Variants in BFAR observed in about 807,000 individuals in gnomAD.
BFAR encodes the protein RING finger protein 47.
BFAR carries 52 observed loss-of-function variants against 54.4 expected under a neutral mutation model. That is an observed-to-expected ratio of 0.96 (90% CI 0.77 to 1.21). The LOEUF (loss-of-function observed/expected upper bound fraction) is 1.21. Among genes scored for constraint, BFAR ranks in the 50% most tolerant of loss-of-function variants. The pLI is 0.00. For missense variants in BFAR, 571 were observed against 534.0 expected, an observed-to-expected ratio of 1.07 and a Z score of -0.68; for synonymous variants, 215 against 204.3, an observed-to-expected ratio of 1.05 and a Z score of -0.45.
chr16:14,634,770 G>T (rs1959381232), intron 1 of BFAR, among the ~76,000 whole-genome samples: 1 of 152,186 alleles, frequency 6.6e-6, no homozygotes, highest in Non-Finnish European at 1.5e-5. Flanking sequence ...AAATCGTGAC[G>T]CGATTTGGAA....
intron 5 of BFAR, among the ~76,000 whole-genome samples, chr16:14,660,967 C>A (rs1960272148): frequency 1.3e-5 from 2 of 152,012 alleles, no homozygotes; most frequent in Non-Finnish European, 2.9e-5. Flanking sequence ...AACTCCTGGC[C>A]TCAAGCAATC....
intron 2 of BFAR, among the ~76,000 whole-genome samples, chr16:14,646,047 T>A (rs190883366): frequency 1.1e-3 from 174 of 152,136 alleles, no homozygotes; most frequent in Non-Finnish European, 1.8e-3. Flanking sequence ...TTTTGGGTTT[T>A]TTTGTTTGTT....
chr16:14,640,084 C>G (rs371535317), intron 1 of BFAR, among the ~76,000 whole-genome samples: 1 of 149,262 alleles, frequency 6.7e-6, no homozygotes, highest in African/African-American at 2.5e-5. Context: ...CTGGGGAGGT[C>G]GAGGCTACAG....
In BFAR at chr16:14,655,149, T is replaced by C. The variant is rs780582790; in HGVS notation, c.722T>C (p.Met241Thr). ...AGCAGCCACAGGAGAGCCATCCTCA[T>C]GGAGCTAGAACGTGTCAAAGCATTA... ...ENSSHRRAIL[M>T]ELERVKALGV... The change falls in exon 5 of 8, where the codon ATG becomes ACG. Residue 241 changes from methionine (M) to threonine (T), a missense_variant. By Grantham distance (81) the Met-to-Thr change is moderately conservative. Coordinates refer to ENST00000261658, the MANE Select transcript of BFAR (RefSeq NM_016561.3). 3.1e-6 allele frequency: 5 copies of C among 1,611,226 alleles called. No homozygotes were observed. The highest frequency in any genetic ancestry group is 2.7e-5 in the African/African-American group (2 of 74,494).
chr16:14,636,490 C>A (rs775221554), intron 1 of BFAR, among the ~76,000 whole-genome samples: 1 of 152,246 alleles, frequency 6.6e-6, no homozygotes, highest in African/African-American at 2.4e-5. Flanking sequence ...CCTTACAGAG[C>A]GGTATTGTTG....
chr16:14,663,426 G>C (rs1203199530), intron 6 of BFAR, among the ~76,000 whole-genome samples: 6 of 152,018 alleles, frequency 3.9e-5, no homozygotes, highest in Admixed American at 3.9e-4. Context: ...CCATCTCCCG[G>C]GTTCATGCCA....
chr16:14,669,079 C>T lies in BFAR; in HGVS notation c.*1252C>T. 1 of 454,782 alleles carries T rather than the reference C, an allele frequency of 2.2e-6. No homozygotes were observed. The highest frequency in any genetic ancestry group is 4.4e-6 in the Non-Finnish European group (1 of 226,050). 28.2% of individuals were successfully genotyped at this position (454,782 alleles called of 1,614,324 possible). On this transcript the variant is annotated 3_prime_UTR_variant, in exon 8 of 8. Transcript: ENST00000261658. ...ATGTCATCTTGGAAGACAGGCCTTG[C>T]AGAAATAGGCCTACATCCAAAATAT...
intron 2 of BFAR, among the ~76,000 whole-genome samples, chr16:14,645,315 A>C (rs542391393): frequency 6.6e-6 from 1 of 152,066 alleles, no homozygotes; most frequent in Non-Finnish European, 1.5e-5. Context: ...GTCTCAAAAA[A>C]AAAGAAAGAA....
chr16:14,649,651 C>T (rs1048715212), intron 3 of BFAR, among the ~76,000 whole-genome samples, 153 bp from the exon 4 acceptor site: 3 of 152,120 alleles, frequency 2.0e-5, no homozygotes, highest in East Asian at 1.9e-4. Context: ...GTGGCCGTGG[C>T]GTTGCCCTGC....
intron 4 of BFAR, 124 bp downstream of exon 4, chr16:14,650,097 C>A: frequency 1.0e-6 from 1 of 961,136 alleles, no homozygotes. Flanking sequence ...CGAGGCGGAT[C>A]GATCATTTGA....
At chr16:14,667,314 G>A (rs1240131989) in intron 7 of BFAR, 6 of 314,892 alleles carry the variant, frequency 1.9e-5, no homozygotes, top group South Asian at 1.7e-4. Context: ...GCACTCCCAG[G>A]CTGGACAAAG....
Position 14,660,537 on chromosome 16 carries a change from G to C in BFAR, c.784-1355G>C, listed in dbSNP as rs1482862389. Among the ~76,000 whole-genome samples, 4 of 146,964 alleles carry C rather than the reference G, an allele frequency of 2.7e-5. No individual in the cohort carries two copies. In the Admixed American group the frequency reaches 2.7e-4, roughly 10 times the overall value. On this transcript the variant is annotated intron_variant, in intron 5 of 7. Coordinates refer to ENST00000261658, the MANE Select transcript of BFAR (RefSeq NM_016561.3). ...TGACCTCAGGTGATCCTCCTGCCTT[G>C]GCCTCCCAAAGTGCTGGGATTACAG... is the stretch of plus-strand genomic sequence containing the variant.
intron 7 of BFAR, among the ~76,000 whole-genome samples, chr16:14,665,596 C>T (rs532473607): frequency 2.0e-5 from 3 of 152,294 alleles, no homozygotes; most frequent in South Asian, 2.1e-4. Flanking sequence ...AAGGGGCATA[C>T]ATGCTTCAGA....
intron 1 of BFAR, among the ~76,000 whole-genome samples, chr16:14,643,512 G>A (rs756568933): frequency 6.6e-6 from 1 of 152,162 alleles, no homozygotes. Flanking sequence ...TGCTGATTAT[G>A]TGGTTTATGG....
chr16:14,635,905 C>T (rs1959419105), intron 1 of BFAR, among the ~76,000 whole-genome samples: 1 of 152,132 alleles, frequency 6.6e-6, no homozygotes, highest in Non-Finnish European at 1.5e-5. Flanking sequence ...GGTGGGATTA[C>T]AGGCATGAGC....
chr16:14,655,993 T>C (rs1231704627), intron 5 of BFAR, among the ~76,000 whole-genome samples: 1 of 152,100 alleles, frequency 6.6e-6, no homozygotes, highest in Non-Finnish European at 1.5e-5. Context: ...GGGGATGACC[T>C]GAGGTCAGCA....
At chr16:14,643,397 A>C (rs1959686415) in intron 1 of BFAR, among the ~76,000 whole-genome samples, 3 of 152,216 alleles carry the variant, frequency 2.0e-5, no homozygotes, top group African/African-American at 7.2e-5. Context: ...AATGATCCAG[A>C]AATCTCTGCC....
At chr16:14,641,920 C>T (rs1486465800) in intron 1 of BFAR, among the ~76,000 whole-genome samples, 1 of 152,192 alleles carries the variant, frequency 6.6e-6, no homozygotes, top group African/African-American at 2.4e-5. Context: ...TACCATGTGC[C>T]AGGCTCTGTA....
At chr16:14,638,870 A>T (rs1959534649) in intron 1 of BFAR, among the ~76,000 whole-genome samples, 1 of 151,984 alleles carries the variant, frequency 6.6e-6, no homozygotes. Flanking sequence ...GCTTGAATCC[A>T]GGAGGCGGAG....
Sources: gnomAD v4.1 joint callset for allele counts (sites outside exome capture counted in the v4.1 genomes callset) on GRCh38, gnomAD v4.1.1 for gene constraint, MANE v1.5 for transcripts, NCBI Gene and HGNC (gene_info 2026-07-23, HGNC 2026-07-21) for gene names.